Variants in RTP5 observed in about 807,000 individuals in gnomAD.
RTP5 encodes the protein receptor-transporting protein 5.
Under a neutral mutation model 23.5 loss-of-function variants are expected in RTP5, and 30 were observed. The observed-to-expected ratio is 1.27, with a 90% CI of 0.95 to 1.73. The LOEUF is 1.73. Ranked by LOEUF, RTP5 falls within the 40% of genes most tolerant of loss-of-function variation. RTP5 has a pLI of 0.00. For synonymous variants in RTP5, 354 were observed against 342.1 expected (o/e 1.03, Z -0.38); for missense variants, 807 against 784.2 (o/e 1.03, Z -0.35).
At position 241,873,091 on chromosome 2, in the gene RTP5, C is replaced by T; in HGVS notation, c.1536C>T (p.Ser512=). 6.2e-7 allele frequency: 1 copy of T among 1,612,858 alleles called. No individual in the cohort carries two copies. Among genetic ancestry groups the T allele is most frequent in the Non-Finnish European group, 8.5e-7 (1 of 1,179,952 alleles). Residue 512 remains serine (S), a synonymous_variant, in exon 2 of 2, where the codon TCC becomes TCT. Transcript: ENST00000343216. The stretch of plus-strand genomic sequence containing the variant: ...ATTACCAGAAGAGGCAGCTGAGGTC[C>T]AGGTTCCACAAGGCCCGCTGTGGGT... ...QGYYQKRQLR[S]RFHKARCGCR...
chr2:241,872,735 G>T lies in RTP5; in HGVS notation c.1180G>T (p.Gly394Cys), dbSNP rs1479524609. The T allele has an allele frequency of 6.3e-7, 1 of 1,595,070 alleles. No homozygotes were observed. The change falls in exon 2 of 2, where the codon GGC becomes TGC. Residue 394 changes from glycine (G) to cysteine (C), a missense_variant. Coordinates refer to ENST00000343216, the MANE Select transcript of RTP5 (RefSeq NM_173821.3). ...TGAAGGCAACGGGAAGGAAGGAGGCGGCCAGGGCCTCGTCCCAGTGGGTCA... is the reference window on the plus strand; with the variant it reads ...TGAAGGCAACGGGAAGGAAGGAGGCTGCCAGGGCCTCGTCCCAGTGGGTCA... ...VAEGNGKEGG[G>C]QGLVPVGHDA...
chr2:241,872,804 G>C lies in RTP5; in HGVS notation c.1249G>C (p.Val417Leu), dbSNP rs760581011. 2.2e-5 allele frequency: 36 copies of C among 1,610,994 alleles called. No homozygotes were observed. Among genetic ancestry groups the C allele is most frequent in the Non-Finnish European group, 2.6e-5 (31 of 1,179,000 alleles). ...ETNAGGLPSQ[V>L]KGSLALPFPA... The stretch of plus-strand genomic sequence containing the variant: ...CAATGCTGGTGGCCTCCCCTCCCAG[G>C]TCAAGGGCTCCCTTGCCCTCCCCTT... Residue 417 changes from valine to leucine, a missense_variant, in exon 2 of 2, where the codon GTC (valine) becomes CTC (leucine). Transcript: ENST00000343216.
chr2:241,872,962 G>A lies in RTP5; in HGVS notation c.1407G>A (p.Glu469=). The A allele has an allele frequency of 6.2e-7, 1 of 1,613,100 alleles. No homozygotes were observed. Among genetic ancestry groups the A allele is most frequent in the Non-Finnish European group, 8.5e-7 (1 of 1,180,006 alleles). The change falls in exon 2 of 2, where the codon GAG becomes GAA. Residue 469 remains glutamate, a synonymous_variant. Coordinates refer to ENST00000343216, the MANE Select transcript of RTP5 (RefSeq NM_173821.3). ...ANAEGPITVS[E]GCITIPFAVF... is the part of the protein sequence containing the mutation. ...CCGAGGGCCCCATCACGGTTAGTGA[G>A]GGCTGCATCACCATCCCCTTCGCAG...
intron 1 of RTP5, chr2:241,870,985 A>C: frequency 2.1e-6 from 1 of 471,142 alleles, no homozygotes; most frequent in South Asian, 1.5e-5. Context: ...CCTCTCACTC[A>C]TGCAGGGTTC....
chr2:241,872,324 G>C lies in RTP5; in HGVS notation c.769G>C (p.Gly257Arg). The change falls in exon 2 of 2, where the codon GGG becomes CGG. Residue 257 changes from glycine to arginine, a missense_variant. By Grantham distance (125) the Gly-to-Arg change is moderately radical. Transcript: ENST00000343216. ...GTCTGGGGATTCAGTGGCCATGCCT[G>C]GGGGCAAAGGCTTCCCGGTGGCCAT... ...FLSGDSVAMP[G>R]GKGFPVAIGD... 6.2e-7 allele frequency: 1 copy of C among 1,606,700 alleles called. No individual in the cohort carries two copies. Among genetic ancestry groups the C allele is most frequent in the Non-Finnish European group, 8.5e-7 (1 of 1,177,170 alleles).
rs1451545805 is a variant in RTP5, at chr2:241,871,975, T to A, written c.420T>A (p.Tyr140Ter). 1 of 1,590,346 alleles carries A rather than the reference T, an allele frequency of 6.3e-7. No individual in the cohort carries two copies. The highest frequency in any genetic ancestry group is 8.6e-7 in the Non-Finnish European group (1 of 1,167,860). ...CAGCCCGGCACCCCAGGGAGGCCTA[T>A]GAGGGCTGCTGTGAGGCCTGTGAGC... The part of the protein sequence containing the change: ...PGPARHPREA[Y>*]EGCCEACELG... The change falls in exon 2 of 2, where the codon TAT becomes TAA. Residue 140 changes from tyrosine to a stop codon, truncating the protein, a stop_gained. Coordinates refer to ENST00000343216, the MANE Select transcript of RTP5 (RefSeq NM_173821.3). LOFTEE classifies it low-confidence loss of function (END_TRUNC).
In RTP5 at chr2:241,872,184, G is replaced by T; in HGVS notation, c.629G>T (p.Gly210Val). The change falls in exon 2 of 2, where the codon GGT becomes GTT. Residue 210 changes from glycine (G) to valine (V), a missense_variant. By Grantham distance (109) the Gly-to-Val change is moderately radical. Transcript: ENST00000343216. ...ATCGCCATCCCCTTCTCCCTTGTGGGTACCAGCAATGACCAGGTGCCCATC... is the reference window on the plus strand; with the variant it reads ...ATCGCCATCCCCTTCTCCCTTGTGGTTACCAGCAATGACCAGGTGCCCATC... ...VVIAIPFSLV[G>V]TSNDQVPIAE... The T allele has an allele frequency of 6.2e-7, 1 of 1,612,326 alleles. No individual in the cohort carries two copies. The highest frequency in any genetic ancestry group is 2.2e-5 in the East Asian group (1 of 44,848).
chr2:241,873,251 G>A lies in RTP5; in HGVS notation c.1696G>A (p.Gly566Arg), dbSNP rs777514126. The change falls in exon 2 of 2, where the codon GGG becomes AGG. Residue 566 changes from glycine (G) to arginine (R), a missense_variant. Physicochemically the swap from Gly to Arg is moderately radical, Grantham distance 125. Transcript: ENST00000343216. Reference protein sequence around the residue: ...WLMCMCRLNPGIYPQQV With the variant: ...WLMCMCRLNPRIYPQQV ...GATGTGCATGTGTCGGCTGAACCCC[G>A]GGATCTACCCGCAGCAAGTGTGACG... 8 of 1,589,946 alleles carry A rather than the reference G, an allele frequency of 5.0e-6. No homozygotes were observed.
Position 241,871,832 on chromosome 2 carries a change from C to A in RTP5, c.277C>A (p.Arg93=), listed in dbSNP as rs559539817. The A allele has an allele frequency of 2.6e-6, 4 of 1,554,028 alleles. No homozygotes were observed. The highest frequency in any genetic ancestry group is 3.5e-6 in the Non-Finnish European group (4 of 1,149,956). The change falls in exon 2 of 2, where the codon CGG becomes AGG. Residue 93 remains arginine (R), a synonymous_variant. Coordinates refer to ENST00000343216, the MANE Select transcript of RTP5 (RefSeq NM_173821.3). ...GGTGAAGATGCGCATCTGGGGCCAGCGGTGCAGGCTGTGCCCCGCACCCGG... is the reference window on the plus strand; with the variant it reads ...GGTGAAGATGCGCATCTGGGGCCAGAGGTGCAGGCTGTGCCCCGCACCCGG... ...GLVKMRIWGQ[R]CRLCPAPGDC... is the part of the protein sequence containing the mutation.
chr2:241,871,479 G>A (rs1243854484), intron 1 of RTP5, among the ~76,000 whole-genome samples: 1 of 152,250 alleles, frequency 6.6e-6, no homozygotes, highest in East Asian at 1.9e-4. Flanking sequence ...GCCTGTGTGT[G>A]GCCGAGGGGC....
At position 241,872,125 on chromosome 2, in the gene RTP5, C is replaced by T; in HGVS notation, c.570C>T (p.Thr190=). The change falls in exon 2 of 2, where the codon ACC becomes ACT. Residue 190 remains threonine (T), a synonymous_variant. Transcript: ENST00000343216. ...GTVSRGKPLS[T]PGDDLGKGGV... is the part of the protein sequence containing the mutation. Reference sequence around the variant, plus strand: ...TCTCCAGGGGCAAACCGCTGTCCACCCCTGGCGACGACCTTGGCAAGGGTG... The same window carrying T: ...TCTCCAGGGGCAAACCGCTGTCCACTCCTGGCGACGACCTTGGCAAGGGTG... 6.2e-7 allele frequency: 1 copy of T among 1,608,994 alleles called. No individual in the cohort carries two copies. The highest frequency in any genetic ancestry group is 8.5e-7 in the Non-Finnish European group (1 of 1,177,184).
intron 1 of RTP5, among the ~76,000 whole-genome samples, chr2:241,870,737 C>T (rs1189058825): frequency 6.6e-6 from 1 of 152,252 alleles, no homozygotes; most frequent in East Asian, 1.9e-4. Context: ...GTGGAGATGG[C>T]TCTGAGCGGC....
chr2:241,870,781 C>T (rs531381737), intron 1 of RTP5, among the ~76,000 whole-genome samples: 1 of 152,234 alleles, frequency 6.6e-6, no homozygotes, highest in Admixed American at 6.5e-5. Flanking sequence ...AGGACGGCTG[C>T]CCCAACATGC....
At chr2:241,871,543 C>T (rs932203916) in intron 1 of RTP5, among the ~76,000 whole-genome samples, 171 bp from the exon 2 acceptor site, 10 of 152,232 alleles carry the variant, frequency 6.6e-5, no homozygotes, top group East Asian at 3.9e-4. Flanking sequence ...CTGCCTTGGC[C>T]GCGGCCCTGG....
intron 1 of RTP5, 22 bp from the exon 2 acceptor site, chr2:241,871,692 C>G (rs768712139): frequency 1.3e-5 from 21 of 1,574,978 alleles, no homozygotes; most frequent in Non-Finnish European, 1.7e-5. Flanking sequence ...TGCACTCACA[C>G]ACACTTCTTT....
chr2:241,870,617 C>T (rs961653904), intron 1 of RTP5, among the ~76,000 whole-genome samples: 1 of 152,234 alleles, frequency 6.6e-6, no homozygotes, highest in Admixed American at 6.5e-5. Flanking sequence ...GCCTGAGACC[C>T]CTGGGGCCAG....
In RTP5 at chr2:241,873,748, G is replaced by A; in HGVS notation, c.*474G>A. On this transcript the variant is annotated 3_prime_UTR_variant, in exon 2 of 2. Transcript: ENST00000343216. ...TCCTGTCTCTTGCCCCTGGTTTTGTGGGTCTGCCCTGAGCTGTGCCTGTGT... is the reference window on the plus strand; with the variant it reads ...TCCTGTCTCTTGCCCCTGGTTTTGTAGGTCTGCCCTGAGCTGTGCCTGTGT... 5.3e-6 allele frequency: 1 copy of A among 190,200 alleles called. No homozygotes were observed. The highest frequency in any genetic ancestry group is 9.8e-5 in the South Asian group (1 of 10,190). 11.8% of individuals were successfully genotyped at this position (190,200 alleles called of 1,614,324 possible). A position where few individuals can be genotyped will look rare whatever the true frequency, so the allele number is the denominator to read the frequency against.
chr2:241,873,209 G>T lies in RTP5; in HGVS notation c.1654G>T (p.Val552Leu). The T allele has an allele frequency of 6.2e-7, 1 of 1,607,298 alleles. No homozygotes were observed. The highest frequency in any genetic ancestry group is 8.5e-7 in the Non-Finnish European group (1 of 1,179,176). The change falls in exon 2 of 2, where the codon GTG becomes TTG. Residue 552 changes from valine to leucine, a missense_variant. Val to Leu is a conservative substitution (Grantham distance 32, BLOSUM62 1). Transcript: ENST00000343216. ...EDFWIWVSMT[V>L]CVFWLMCMCR... ...CTTCTGGATCTGGGTGTCCATGACC[G>T]TGTGCGTCTTCTGGCTGATGTGCAT...
chr2:241,869,998 G>T, intron 1 of RTP5, 84 bp downstream of exon 1: 1 of 1,321,622 alleles, frequency 7.6e-7, no homozygotes, highest in Non-Finnish European at 9.8e-7. Context: ...CCAGAGGCTG[G>T]GTGGGGCTGT....
Sources: allele counts gnomAD v4.1 joint callset (sites outside exome capture counted in the v4.1 genomes callset), GRCh38; gene constraint gnomAD v4.1.1; transcripts MANE v1.5; gene names NCBI Gene and HGNC (gene_info 2026-07-23, HGNC 2026-07-21).